The following PCDH7 variants were observed in gnomAD, a reference collection of about 807,000 sequenced individuals.
PCDH7 encodes the protein protocadherin-7.
Under a neutral mutation model 58.9 loss-of-function variants are expected in PCDH7, and 17 were observed. The ratio of observed to expected loss-of-function variants is 0.29; its 90% CI spans 0.20 to 0.43. The LOEUF (loss-of-function observed/expected upper bound fraction) is 0.43, where lower values mean the gene tolerates loss of function less well. Ranked by LOEUF, PCDH7 falls within the 20% of genes least tolerant of loss-of-function variation. The pLI, the probability that PCDH7 is intolerant of heterozygous loss-of-function variation, is 1.00. For missense variants in PCDH7, 1,274 were observed against 1,441.0 expected (o/e 0.88, Z 1.88); for synonymous variants, 664 against 616.4 (o/e 1.08, Z -1.14).
intron 1 of PCDH7, among the ~76,000 whole-genome samples, chr4:30,776,483 A>T (rs762608405): frequency 6.6e-6 from 1 of 152,246 alleles, no homozygotes; most frequent in Non-Finnish European, 1.5e-5. Flanking sequence ...GGAAAATGAA[A>T]TATCACCATG....
chr4:30,869,984 T>C (rs1280190169), intron 1 of PCDH7, among the ~76,000 whole-genome samples: 1 of 151,980 alleles, frequency 6.6e-6, no homozygotes, highest in Non-Finnish European at 1.5e-5. Flanking sequence ...TTCTAACTGG[T>C]GTGAGATGGT....
chr4:31,065,944 G>T (rs139810898), intron 3 of PCDH7, among the ~76,000 whole-genome samples: 1 of 151,870 alleles, frequency 6.6e-6, no homozygotes, highest in Non-Finnish European at 1.5e-5. Flanking sequence ...GTGACATCAG[G>T]AGATACATAA....
intron 1 of PCDH7, among the ~76,000 whole-genome samples, chr4:30,848,834 T>TA (rs1732337781): frequency 6.6e-6 from 1 of 152,094 alleles, no homozygotes; most frequent in Non-Finnish European, 1.5e-5. Flanking sequence ...GCAATTAAAA[T>TA]TGTACTATCC....
intron 3 of PCDH7, among the ~76,000 whole-genome samples, chr4:31,070,417 CTT>C (rs1758450187): frequency 6.6e-6 from 1 of 152,010 alleles, no homozygotes; most frequent in African/African-American, 2.4e-5. Flanking sequence ...ATACGACTGA[CTT>C]TTTGTTTAAT....
At chr4:31,062,455 A>G (rs1757760977) in intron 3 of PCDH7, among the ~76,000 whole-genome samples, 1 of 151,786 alleles carries the variant, frequency 6.6e-6, no homozygotes, top group African/African-American at 2.4e-5. Context: ...TTATTTTGGC[A>G]TACTTCTTAT....
chr4:30,785,472 A>C (rs1422843737), intron 1 of PCDH7, among the ~76,000 whole-genome samples: 1 of 152,070 alleles, frequency 6.6e-6, no homozygotes, highest in African/African-American at 2.4e-5. Context: ...TTTTAAAGCT[A>C]TTGCTAGAGA....
intron 2 of PCDH7, among the ~76,000 whole-genome samples, chr4:30,931,272 T>A (rs907283725): frequency 6.6e-6 from 1 of 152,020 alleles, no homozygotes; most frequent in African/African-American, 2.4e-5. Flanking sequence ...AAAAAGAAGT[T>A]GAATTAAAGT....
At position 30,991,124 on chromosome 4, in the gene PCDH7, C is replaced by T. The variant is rs117262054; in HGVS notation, c.*7+40909C>T. Among the ~76,000 whole-genome samples, 782 of 152,238 alleles carry T rather than the reference C, an allele frequency of 5.1e-3. 26 individuals carry two copies. The East Asian group carries it at 0.095, about 18-fold the overall frequency. On this transcript the variant is annotated intron_variant, in intron 3 of 3. Transcript: ENST00000509759. ...GATGTTATGTTTTTCAAAAAGCCAT[C>T]TATTTTTAAAACTTGTTCTCTTCCA...
rs758162703 is a variant in PCDH7, at chr4:31,116,896, C to T, written c.*8-25577C>T. Among the ~76,000 whole-genome samples, 49 of 152,094 alleles carry T rather than the reference C, an allele frequency of 3.2e-4. No homozygotes were observed. The Middle Eastern group carries it at 0.01, about 32-fold the overall frequency. ...TCTTGCCCAGGCTGGAGTGCAATGG[C>T]GCGATCTCGGCTCACTGCAACCTCT... On this transcript the variant is annotated intron_variant, in intron 3 of 3. Coordinates refer to the PCDH7 transcript ENST00000509759.
At chr4:30,855,444 G>A (rs113191614) in intron 1 of PCDH7, among the ~76,000 whole-genome samples, 2,297 of 152,192 alleles carry the variant, frequency 0.015, 56 homozygotes, top group African/African-American at 0.051. Context: ...CTGGCCAGTG[G>A]GCACTGCTGC....
intron 1 of PCDH7, among the ~76,000 whole-genome samples, chr4:30,759,704 C>T (rs575997715): frequency 4.5e-4 from 69 of 152,034 alleles, no homozygotes; most frequent in African/African-American, 1.6e-3. Flanking sequence ...TATACACATA[C>T]ATATATAACA....
intron 3 of PCDH7, among the ~76,000 whole-genome samples, chr4:30,986,888 G>A (rs1308286744): frequency 3.3e-5 from 5 of 151,906 alleles, no homozygotes; most frequent in Non-Finnish European, 1.5e-5. Flanking sequence ...GGCTGAGGCA[G>A]AAGAATCACT....
chr4:30,801,766 C>T (rs1033031427), intron 1 of PCDH7, among the ~76,000 whole-genome samples: 9 of 152,162 alleles, frequency 5.9e-5, no homozygotes, highest in Admixed American at 5.9e-4. Flanking sequence ...TGTATTCCAG[C>T]TCCAGAGGGT....
At chr4:30,852,914 G>A (rs1732960570) in intron 1 of PCDH7, among the ~76,000 whole-genome samples, 1 of 151,304 alleles carries the variant, frequency 6.6e-6, no homozygotes, top group Admixed American at 6.6e-5. Flanking sequence ...CCTTGTCTGT[G>A]CTCCCAGTGT....
At chr4:30,940,102 AAAC>A (rs776115609) in intron 2 of PCDH7, among the ~76,000 whole-genome samples, 2 of 151,876 alleles carry the variant, frequency 1.3e-5, no homozygotes, top group Non-Finnish European at 2.9e-5. Flanking sequence ...AAAAACAAAC[AAAC>A]AAAAAAAAAA....
At chr4:31,126,118 T>A (rs1282996179) in intron 3 of PCDH7, among the ~76,000 whole-genome samples, 1 of 150,138 alleles carries the variant, frequency 6.7e-6, no homozygotes, top group East Asian at 1.9e-4. Flanking sequence ...GTGCTTGACA[T>A]ATCCTTTCTT....
chr4:31,096,911 TTG>T (rs797002870), intron 3 of PCDH7, among the ~76,000 whole-genome samples: 20 of 93,914 alleles, frequency 2.1e-4, no homozygotes, highest in Admixed American at 1.5e-3. Context: ...AATTCCTTGT[TTG>T]TGTGTGTGTG....
chr4:31,082,277 A>G (rs1032390330), intron 3 of PCDH7, among the ~76,000 whole-genome samples: 2 of 152,226 alleles, frequency 1.3e-5, no homozygotes, highest in Admixed American at 6.5e-5. Context: ...CAATATAGTC[A>G]AAATTCATTG....
At chr4:31,115,349 A>G (rs1215700290) in intron 3 of PCDH7, among the ~76,000 whole-genome samples, 1 of 152,052 alleles carries the variant, frequency 6.6e-6, no homozygotes, top group Non-Finnish European at 1.5e-5. Context: ...TATATTATGG[A>G]TAATTTTTAT....
Sources: gnomAD v4.1 joint callset for allele counts (sites outside exome capture counted in the v4.1 genomes callset) on GRCh38, gnomAD v4.1.1 for gene constraint, MANE v1.5 for transcripts, NCBI Gene and HGNC (gene_info 2026-07-23, HGNC 2026-07-21) for gene names.